Variants in CADPS observed in about 807,000 individuals in gnomAD.
CADPS encodes the protein calcium-dependent secretion activator 1.
A neutral mutation model predicts 167.3 loss-of-function variants in CADPS; 57 were observed. The observed-to-expected ratio is 0.34, with a 90% CI of 0.28 to 0.42. The LOEUF (loss-of-function observed/expected upper bound fraction) is 0.42, where lower values mean the gene tolerates loss of function less well. Among genes scored for constraint, CADPS ranks in the 20% least tolerant of loss-of-function variants. The pLI is 1.00. For missense variants in CADPS, 1,414 were observed against 1,738.1 expected (o/e 0.81, Z 3.32); for synonymous variants, 676 against 635.3 (o/e 1.06, Z -0.96).
chr3:62,590,775 CTGGGCTG>C (rs1416942889), intron 7 of CADPS, among the ~76,000 whole-genome samples: 4 of 152,164 alleles, frequency 2.6e-5, no homozygotes, highest in African/African-American at 9.6e-5. Context: ...GAGAGATTCT[CTGGGCTG>C]AGATCACGTA....
chr3:62,835,384 C>T (rs1247692801), intron 1 of CADPS, among the ~76,000 whole-genome samples: 1 of 152,188 alleles, frequency 6.6e-6, no homozygotes, highest in Non-Finnish European at 1.5e-5. Context: ...AACCTATTTT[C>T]ATCCAGGTAT....
Position 62,478,480 on chromosome 3 carries a change from A to C in CADPS, c.3174-64T>G. 1 of 1,473,206 alleles carries C rather than the reference A, an allele frequency of 6.8e-7. No homozygotes were observed. Among genetic ancestry groups the C allele is most frequent in the Non-Finnish European group, 9.3e-7 (1 of 1,075,950 alleles). The allele number at this position is 1,473,206 out of a possible 1,614,324, so 91.3% of individuals were successfully genotyped here. A position where few individuals can be genotyped will look rare whatever the true frequency, so the allele number is the denominator to read the frequency against. On this transcript the variant is annotated intron_variant, in intron 22 of 29. Coordinates refer to ENST00000383710, the MANE Select transcript of CADPS (RefSeq NM_003716.4). The surrounding 1 kb of genome is among the most constrained non-coding windows in gnomAD (Gnocchi z 5.7). The stretch of plus-strand genomic sequence containing the variant: ...GGCCTCAGGCTCTACAAAAACTAAC[A>C]CAGAGACAACTGGGGGCTAGAAGGC...
At chr3:62,525,764 TAGAGTG>T (rs1453937261) in intron 13 of CADPS, among the ~76,000 whole-genome samples, 3 of 150,844 alleles carry the variant, frequency 2.0e-5, no homozygotes, top group African/African-American at 7.4e-5. Context: ...AGGACGGAGT[TAGAGTG>T]AAAGAAAAAA....
chr3:62,533,681 G>T (rs1047475085), intron 12 of CADPS, among the ~76,000 whole-genome samples: 6 of 152,140 alleles, frequency 3.9e-5, no homozygotes, highest in African/African-American at 1.4e-4. Flanking sequence ...AGAGCATGAA[G>T]AAATTTTAGG....
intron 1 of CADPS, among the ~76,000 whole-genome samples, chr3:62,830,101 C>T (rs2074806497): frequency 6.6e-6 from 1 of 152,140 alleles, no homozygotes; most frequent in African/African-American, 2.4e-5. Flanking sequence ...ATGAAGACTC[C>T]TATCACCTCA....
chr3:62,479,838 G>A (rs1232730402), intron 22 of CADPS, among the ~76,000 whole-genome samples: 2 of 152,160 alleles, frequency 1.3e-5, no homozygotes, highest in Non-Finnish European at 2.9e-5. Flanking sequence ...GTTCAAAAGT[G>A]GGGGAATGCG....
chr3:62,718,032 AT>A (rs76986157), intron 3 of CADPS, among the ~76,000 whole-genome samples: 15 of 150,548 alleles, frequency 1.0e-4, no homozygotes, highest in South Asian at 6.3e-4. Context: ...TCTTAGAGTA[AT>A]TTTTTTTTTC....
At chr3:62,654,338 T>TGCAAGGTACAA (rs1186181482) in intron 4 of CADPS, among the ~76,000 whole-genome samples, 1 of 152,182 alleles carries the variant, frequency 6.6e-6, no homozygotes, top group East Asian at 1.9e-4. Flanking sequence ...GGTACTGTAA[T>TGCAAGGTACAA]GGAAGTATAA....
chr3:62,767,294 C>T (rs940609511), intron 1 of CADPS, among the ~76,000 whole-genome samples: 3 of 152,198 alleles, frequency 2.0e-5, no homozygotes, highest in Admixed American at 6.5e-5. Flanking sequence ...GAAAAAGCGA[C>T]TTATATTCTG....
rs752617298 is a variant in CADPS, at chr3:62,753,674, C to T, written c.655G>A (p.Val219Met). 39 of 1,614,100 alleles carry T rather than the reference C, an allele frequency of 2.4e-5. No homozygotes were observed. Among genetic ancestry groups the T allele is most frequent in the Non-Finnish European group, 3.1e-5 (37 of 1,180,050 alleles). ...EVFKKHIEKR[V>M]RSLPEIDGLS... The stretch of plus-strand genomic sequence containing the variant: ...CCGTCAATCTCAGGCAGGCTGCGCA[C>T]TCTCTTCTCAATGTGCTTCTTGAAG... The change falls in exon 3 of 30, where the codon GTG (valine) becomes ATG (methionine). Residue 219 changes from valine to methionine, a missense_variant. Around this residue, in one of 6 missense-constraint regions of CADPS, gnomAD observed 522 missense variants for 559.5 expected, o/e 0.93. Coordinates refer to ENST00000383710, the MANE Select transcript of CADPS (RefSeq NM_003716.4). The surrounding 1 kb of genome is among the most constrained non-coding windows in gnomAD (Gnocchi z 4.6).
chr3:62,646,643 G>C (rs2068660095), intron 5 of CADPS, among the ~76,000 whole-genome samples: 1 of 152,154 alleles, frequency 6.6e-6, no homozygotes, highest in Admixed American at 6.5e-5. Context: ...GGATTAGCAG[G>C]GACTATGACA....
chr3:62,685,366 G>T (rs13061208), intron 3 of CADPS, among the ~76,000 whole-genome samples: 1 of 151,798 alleles, frequency 6.6e-6, no homozygotes, highest in East Asian at 1.9e-4. Context: ...GAAACAATGC[G>T]TAGAGTTTAT....
At chr3:62,530,787 C>T (rs2073471566) in intron 13 of CADPS, 1 of 1,283,250 alleles carries the variant, frequency 7.8e-7, no homozygotes, top group Non-Finnish European at 1.0e-6. Flanking sequence ...GGTGGCAGCC[C>T]ACTAAGGTAC....
chr3:62,870,163 T>C (rs2082367328), intron 1 of CADPS, among the ~76,000 whole-genome samples: 1 of 152,138 alleles, frequency 6.6e-6, no homozygotes, highest in Non-Finnish European at 1.5e-5. Context: ...AACAAGCCCA[T>C]TTAAATAATT....
chr3:62,636,223 A>T (rs2066273378), intron 6 of CADPS, among the ~76,000 whole-genome samples: 1 of 152,248 alleles, frequency 6.6e-6, no homozygotes, highest in Non-Finnish European at 1.5e-5. Context: ...GAGGTTCAGA[A>T]GGATTTAGTA....
chr3:62,691,745 C>T (rs113566276), intron 3 of CADPS, among the ~76,000 whole-genome samples: 3,963 of 152,022 alleles, frequency 0.026, 198 homozygotes, highest in African/African-American at 0.091. Flanking sequence ...CACATGGACA[C>T]ATAGCAGGGC....
At chr3:62,686,868 A>G (rs2078141175) in intron 3 of CADPS, among the ~76,000 whole-genome samples, 1 of 152,104 alleles carries the variant, frequency 6.6e-6, no homozygotes, top group Admixed American at 6.6e-5. Context: ...TTAGGCAGAA[A>G]TGTATTTTAA....
At position 62,592,756 on chromosome 3, in the gene CADPS, C is replaced by G. The variant is rs1241792325; in HGVS notation, c.1326-8G>C. Reference sequence around the variant, plus strand: ...TCACCCTGGGTGCCCCAGCTGCAGACAGAATCAAAGAGGTCATTGTAGACA... The same window carrying G: ...TCACCCTGGGTGCCCCAGCTGCAGAGAGAATCAAAGAGGTCATTGTAGACA... On this transcript the variant is annotated splice_region_variant and splice_polypyrimidine_tract_variant and intron_variant, in intron 6 of 29. Transcript: ENST00000383710. The G allele has an allele frequency of 9.3e-6, 15 of 1,604,546 alleles. No homozygotes were observed. In the East Asian group the frequency reaches 3.3e-4, roughly 36 times the overall value.
intron 18 of CADPS, among the ~76,000 whole-genome samples, chr3:62,495,066 A>G (rs2064473246): frequency 6.6e-6 from 1 of 152,192 alleles, no homozygotes; most frequent in South Asian, 2.1e-4. Context: ...TTAATATATT[A>G]TTGAGCAAAT....
Sources: gnomAD v4.1 joint callset for allele counts (sites outside exome capture counted in the v4.1 genomes callset) on GRCh38, gnomAD v4.1.1 for gene constraint, gnomAD v4.1.1 regional missense constraint, Gnocchi (gnomAD v3.1) non-coding constraint, MANE v1.5 for transcripts, NCBI Gene and HGNC (gene_info 2026-07-23, HGNC 2026-07-21) for gene names.